The following TSPEAR variants were observed in gnomAD, a reference collection of about 807,000 sequenced individuals.
TSPEAR encodes the protein thrombospondin type laminin G domain and EAR repeats.
A neutral mutation model predicts 71.6 loss-of-function variants in TSPEAR; 69 were observed. The ratio of observed to expected loss-of-function variants is 0.96; its 90% CI spans 0.79 to 1.18. The LOEUF is 1.18. TSPEAR is among the 50% of genes most tolerant of loss of function. The pLI, the probability that TSPEAR is intolerant of heterozygous loss-of-function variation, is 0.00. For synonymous variants in TSPEAR, 402 were observed against 387.2 expected (o/e 1.04, Z -0.45); for missense variants, 971 against 894.9 (o/e 1.09, Z -1.09).
intron 1 of TSPEAR, among the ~76,000 whole-genome samples, chr21:44,691,127 C>G (rs549979280): frequency 6.6e-6 from 1 of 151,974 alleles, no homozygotes; most frequent in South Asian, 2.1e-4. Flanking sequence ...TCTCTCTCTC[C>G]CCAGCTCACC....
intron 1 of TSPEAR, chr21:44,676,555 T>C (rs1986322033): frequency 1.4e-6 from 1 of 728,142 alleles, no homozygotes; most frequent in Non-Finnish European, 2.5e-6. Context: ...AACTTGCTCT[T>C]GACTTAGATG....
At chr21:44,550,767 A>T in intron 2 of TSPEAR, 1 of 1,614,198 alleles carries the variant, frequency 6.2e-7, no homozygotes, top group Non-Finnish European at 8.5e-7. Flanking sequence ...GAGGAGGGAC[A>T]CAGAGGAGGA....
chr21:44,532,230 A>T (rs1464606066), intron 3 of TSPEAR, among the ~76,000 whole-genome samples: 1 of 152,260 alleles, frequency 6.6e-6, no homozygotes. Flanking sequence ...TTCGGGGAAC[A>T]TTCCTAATCA....
intron 1 of TSPEAR, chr21:44,600,694 T>G: frequency 1.2e-6 from 2 of 1,613,702 alleles, no homozygotes; most frequent in Non-Finnish European, 1.7e-6. Flanking sequence ...TCCTGGTTCC[T>G]GTGACTCTTG....
chr21:44,524,711 A>C (rs1347133812), intron 8 of TSPEAR, among the ~76,000 whole-genome samples: 1 of 152,080 alleles, frequency 6.6e-6, no homozygotes, highest in African/African-American at 2.4e-5. Flanking sequence ...TTAATCAGGT[A>C]GTTAGGTAAT....
intron 2 of TSPEAR, chr21:44,558,535 C>T (rs1403079744): frequency 1.3e-5 from 21 of 1,613,250 alleles, no homozygotes; most frequent in Middle Eastern, 1.7e-4. Flanking sequence ...GGCTCACAGG[C>T]CGCCTGGCAG....
chr21:44,614,540 C>A (rs1449611386), intron 1 of TSPEAR, among the ~76,000 whole-genome samples: 1 of 152,250 alleles, frequency 6.6e-6, no homozygotes, highest in Admixed American at 6.5e-5. Flanking sequence ...CAGTTCCAGG[C>A]TCGGTTCCTG....
intron 2 of TSPEAR, chr21:44,551,121 A>G (rs782742490): frequency 1.9e-6 from 3 of 1,559,602 alleles, no homozygotes; most frequent in South Asian, 1.1e-5. Context: ...CCCACAGCAG[A>G]CGGGCACACA....
At chr21:44,655,840 A>G (rs1207877715) in intron 1 of TSPEAR, among the ~76,000 whole-genome samples, 1 of 152,162 alleles carries the variant, frequency 6.6e-6, no homozygotes, top group Non-Finnish European at 1.5e-5. Context: ...GGCAGCTCCC[A>G]GGGGCACCCT....
At chr21:44,590,453 AG>A (rs1979709271) in intron 1 of TSPEAR, among the ~76,000 whole-genome samples, 1 of 152,152 alleles carries the variant, frequency 6.6e-6, no homozygotes, top group South Asian at 2.1e-4. Flanking sequence ...CGCATGGGGC[AG>A]GGGGGCCCGC....
chr21:44,514,466 G>A (rs1297048490), intron 9 of TSPEAR, among the ~76,000 whole-genome samples: 1 of 152,204 alleles, frequency 6.6e-6, no homozygotes, highest in Non-Finnish European at 1.5e-5. Context: ...GCTGTGACGA[G>A]GGGTCCTTAC....
chr21:44,637,739 G>T, intron 1 of TSPEAR: 8 of 1,337,964 alleles, frequency 6.0e-6, no homozygotes, highest in Non-Finnish European at 6.1e-6. Context: ...CTGCGTGCCC[G>T]TCTGTAACAA....
At chr21:44,676,339 G>T in intron 1 of TSPEAR, 1 of 1,148,880 alleles carries the variant, frequency 8.7e-7, no homozygotes, top group Non-Finnish European at 1.3e-6. Flanking sequence ...AGAACAGTTG[G>T]CTTTGATGGC....
chr21:44,700,806 C>G (rs1555951436), intron 1 of TSPEAR, among the ~76,000 whole-genome samples: 1 of 152,212 alleles, frequency 6.6e-6, no homozygotes, highest in Non-Finnish European at 1.5e-5. Flanking sequence ...CAGTGGCTGA[C>G]CTTCAGGAAG....
chr21:44,664,769 A>G (rs2146271499), intron 1 of TSPEAR, among the ~76,000 whole-genome samples: 1 of 152,366 alleles, frequency 6.6e-6, no homozygotes, highest in African/African-American at 2.4e-5. Context: ...AGAAACAAAT[A>G]CGTCCATGCA....
intron 1 of TSPEAR, chr21:44,647,736 A>G: frequency 3.4e-6 from 1 of 294,258 alleles, no homozygotes; most frequent in Non-Finnish European, 6.7e-6. Flanking sequence ...GTCTTGTTAA[A>G]GGCAGACAGG....
chr21:44,701,661 C>T (rs1009790037), intron 1 of TSPEAR, among the ~76,000 whole-genome samples: 2 of 152,306 alleles, frequency 1.3e-5, no homozygotes, highest in East Asian at 1.9e-4. Flanking sequence ...CAGCGGGGTT[C>T]GTGGTCCTCT....
At chr21:44,706,296 T>C (rs895092287) in intron 1 of TSPEAR, among the ~76,000 whole-genome samples, 1 of 152,168 alleles carries the variant, frequency 6.6e-6, no homozygotes, top group Non-Finnish European at 1.5e-5. Flanking sequence ...CAGCTGTGTG[T>C]ACACGCATGC....
At chr21:44,574,803 T>C (rs782006974) in intron 1 of TSPEAR, 13 of 1,614,112 alleles carry the variant, frequency 8.1e-6, no homozygotes, top group Non-Finnish European at 1.1e-5. Context: ...CCAGCCAGCT[T>C]GCTGCACCAC....
Sources: gnomAD v4.1 joint callset for allele counts (sites outside exome capture counted in the v4.1 genomes callset) on GRCh38, gnomAD v4.1.1 for gene constraint, MANE v1.5 for transcripts, NCBI Gene and HGNC (gene_info 2026-07-23, HGNC 2026-07-21) for gene names.